WASF3: variants seen among roughly 807,000 people sequenced by gnomAD.
The protein encoded by WASF3 is WASP family member 3, also known as actin-binding protein WASF3.
In WASF3, 11 loss-of-function variants were observed where a neutral mutation model predicts 46.6. That is an observed-to-expected ratio of 0.24 (90% CI 0.15 to 0.39). The LOEUF (loss-of-function observed/expected upper bound fraction) is 0.39, where lower values mean the gene tolerates loss of function less well. Among genes scored for constraint, WASF3 ranks in the 10% least tolerant of loss-of-function variants. The pLI is 1.00. For missense variants in WASF3, 576 were observed against 669.8 expected (o/e 0.86, Z 1.55); for synonymous variants, 242 against 259.7 (o/e 0.93, Z 0.65).
chr13:26,680,178 CAA>C (rs752874165), intron 7 of WASF3: 2 of 1,588,962 alleles, frequency 1.3e-6, no homozygotes, highest in East Asian at 4.5e-5. Context: ...CAGGGAGCGC[CAA>C]AGAGGACAGA....
At chr13:26,632,047 GCTTATCAGCT>G (rs1263651545) in intron 2 of WASF3, among the ~76,000 whole-genome samples, 2 of 152,192 alleles carry the variant, frequency 1.3e-5, no homozygotes, top group African/African-American at 4.8e-5. Context: ...TGCTGAAGTA[GCTTATCAGCT>G]TAAGGAGATT....
chr13:26,685,120 T>C (rs1883362817), intron 9 of WASF3, among the ~76,000 whole-genome samples: 1 of 151,788 alleles, frequency 6.6e-6, no homozygotes, highest in Non-Finnish European at 1.5e-5. Flanking sequence ...AAACATTAAA[T>C]CATCAAATAT....
At chr13:26,541,762 C>A in the WASF3 span, among the ~76,000 whole-genome samples, 1 of 145,712 alleles carries the variant, frequency 6.9e-6, no homozygotes, top group South Asian at 2.2e-4. Flanking sequence ...GGATTACAGG[C>A]ATGAGCCACT....
chr13:26,633,817 T>C (rs546917349), intron 2 of WASF3, among the ~76,000 whole-genome samples: 1 of 152,350 alleles, frequency 6.6e-6, no homozygotes, highest in East Asian at 1.9e-4. Flanking sequence ...AGTTTCTTAA[T>C]CCTGAGTTCT....
chr13:26,683,008 T>G (rs1883289660), intron 9 of WASF3, 34 bp downstream of exon 9: 1 of 1,576,184 alleles, frequency 6.3e-7, no homozygotes, highest in African/African-American at 1.4e-5. Context: ...AGCCTGCCTT[T>G]CAGCAAGAGG....
chr13:26,645,946 G>A (rs1237105929), intron 3 of WASF3, among the ~76,000 whole-genome samples: 1 of 152,192 alleles, frequency 6.6e-6, no homozygotes, highest in African/African-American at 2.4e-5. Flanking sequence ...ATCCATGTAA[G>A]AACTGAAGTT....
chr13:26,601,532 C>T (rs995502614), intron 1 of WASF3, among the ~76,000 whole-genome samples: 1 of 152,182 alleles, frequency 6.6e-6, no homozygotes, highest in Non-Finnish European at 1.5e-5. Flanking sequence ...TTGGTACCCT[C>T]CTGCCTTCAG....
intron 1 of WASF3, among the ~76,000 whole-genome samples, chr13:26,568,449 A>C (rs568354543): frequency 6.6e-6 from 1 of 152,272 alleles, no homozygotes; most frequent in East Asian, 1.9e-4. Context: ...GGGGTACCTG[A>C]TCCAAACCAA....
rs546945948 is a variant in WASF3, at chr13:26,604,984, C to G, written c.-108-7977C>G. On this transcript the variant is annotated intron_variant, in intron 1 of 9. Coordinates refer to ENST00000335327, the MANE Select transcript of WASF3 (RefSeq NM_006646.6). ...CTTGTATCTGTGTTCTCTGCACAAT[C>G]CTGGACAGAGGCGCCAGGGTCCTTT... Among the ~76,000 whole-genome samples the G allele has an allele frequency of 1.4e-4, 21 of 152,286 alleles. No homozygotes were observed. In the East Asian group the frequency reaches 3.3e-3, roughly 24 times the overall value.
intron 4 of WASF3, among the ~76,000 whole-genome samples, chr13:26,665,563 T>A (rs938093486): frequency 5.3e-5 from 8 of 150,336 alleles, no homozygotes; most frequent in Non-Finnish European, 1.0e-4. Context: ...CACAAGCACC[T>A]GGTGTTCTTA....
Position 26,637,411 on chromosome 13 carries a change from G to A in WASF3, c.-10-4850G>A, listed in dbSNP as rs78165281. On this transcript the variant is annotated intron_variant, in intron 2 of 9. Transcript: ENST00000335327. ...CAGACCTGCATACTTCACTTGCCTT[G>A]GCTGAGATTTAAACATTTCCAGCTC... is the stretch of plus-strand genomic sequence containing the variant. Among the ~76,000 whole-genome samples the A allele has an allele frequency of 5.8e-3, 878 of 152,152 alleles. 12 individuals carry two copies. The highest frequency in any genetic ancestry group is 0.02 in the African/African-American group (840 of 41,478).
At chr13:26,571,969 G>A (rs1271216540) in intron 1 of WASF3, among the ~76,000 whole-genome samples, 1 of 152,026 alleles carries the variant, frequency 6.6e-6, no homozygotes, top group African/African-American at 2.4e-5. Flanking sequence ...GTTATAAATG[G>A]GACTTTCTGT....
intron 2 of WASF3, among the ~76,000 whole-genome samples, chr13:26,632,964 G>C (rs979556352): frequency 2.6e-5 from 4 of 152,146 alleles, no homozygotes; most frequent in Non-Finnish European, 4.4e-5. Context: ...TTCCATAGAG[G>C]TGTTTATAGT....
the WASF3 span, among the ~76,000 whole-genome samples, chr13:26,551,612 G>A: frequency 1.3e-5 from 2 of 152,200 alleles, no homozygotes; most frequent in African/African-American, 4.8e-5. Flanking sequence ...TGCAAGGAGA[G>A]TACAGAGGCT....
intron 1 of WASF3, among the ~76,000 whole-genome samples, chr13:26,561,539 A>G (rs1382615599): frequency 6.6e-6 from 1 of 152,194 alleles, no homozygotes; most frequent in African/African-American, 2.4e-5. Context: ...CCAGATAATC[A>G]GGAGTTGTCT....
At chr13:26,663,494 G>C (rs956941477) in intron 3 of WASF3, among the ~76,000 whole-genome samples, 8 of 152,336 alleles carry the variant, frequency 5.3e-5, no homozygotes, top group Non-Finnish European at 7.3e-5. Context: ...GAACCCAGAA[G>C]ACCATGCTGT....
At chr13:26,631,865 T>C (rs942870375) in intron 2 of WASF3, among the ~76,000 whole-genome samples, 3 of 152,242 alleles carry the variant, frequency 2.0e-5, no homozygotes, top group African/African-American at 7.2e-5. Context: ...TGGTTTGTAG[T>C]TCTCCTTGAA....
chr13:26,565,765 A>G (rs1435660322), intron 1 of WASF3, among the ~76,000 whole-genome samples: 6 of 152,228 alleles, frequency 3.9e-5, no homozygotes, highest in African/African-American at 1.2e-4. Flanking sequence ...CCTTTTCAAA[A>G]GTTGGCATTG....
chr13:26,574,024 C>A (rs1230853686), intron 1 of WASF3, among the ~76,000 whole-genome samples: 2 of 152,174 alleles, frequency 1.3e-5, no homozygotes, highest in African/African-American at 4.8e-5. Flanking sequence ...CATTTGTCCA[C>A]CTCTCCTTAC....
Sources: allele counts gnomAD v4.1 joint callset (sites outside exome capture counted in the v4.1 genomes callset), GRCh38; gene constraint gnomAD v4.1.1; transcripts MANE v1.5; gene names NCBI Gene and HGNC (gene_info 2026-07-23, HGNC 2026-07-21).